The following SPTA1 variants were observed in gnomAD, a reference collection of about 807,000 sequenced individuals.
SPTA1 encodes spectrin alpha, erythrocytic 1, also known as spectrin alpha chain, erythrocytic 1.
Under a neutral mutation model 324.7 loss-of-function variants are expected in SPTA1, and 177 were observed. The observed-to-expected ratio is 0.55, with a 90% CI of 0.48 to 0.62. SPTA1 has a LOEUF of 0.62. Ranked by LOEUF, SPTA1 falls within the 20% of genes least tolerant of loss-of-function variation. SPTA1 has a pLI of 0.00. For synonymous variants in SPTA1, 1,195 were observed against 1,041.3 expected, an observed-to-expected ratio of 1.15 and a Z score of -2.84; for missense variants, 3,162 against 2,883.6, an observed-to-expected ratio of 1.10 and a Z score of -2.21.
intron 51 of SPTA1, chr1:158,612,334 G>T (rs905320930): frequency 2.0e-5 from 4 of 198,948 alleles, no homozygotes; most frequent in African/African-American, 9.5e-5. Context: ...AATGAAGAAA[G>T]CTCTTGGAAT....
intron 43 of SPTA1, 34 bp from the exon 44 acceptor site, chr1:158,620,500 C>A (rs1480379035): frequency 6.2e-7 from 1 of 1,611,346 alleles, no homozygotes. Context: ...TACCATCTTT[C>A]CTGATAAAGC....
At position 158,661,316 on chromosome 1, in the gene SPTA1, G is replaced by C. The variant is rs35121052; in HGVS notation, c.2558C>G (p.Thr853Arg). ...CTCTACCATTTTGTTTCCCCTTTCT[G>C]TTATCTCTTGAATGCGTGGTTCATG... is the stretch of plus-strand genomic sequence containing the variant. ...ASHEPRIQEI[T>R]ERGNKMVEEG... Residue 853 changes from threonine (T) to arginine (R), a missense_variant, in exon 18 of 52, where the codon ACA becomes AGA. Transcript: ENST00000643759. 0.017 allele frequency: 27,604 copies of C among 1,613,640 alleles called. 3,717 individuals are homozygous for C. In the African/African-American group the frequency reaches 0.31, roughly 18 times the overall value.
Position 158,642,494 on chromosome 1 carries a change from A to G in SPTA1, c.4654T>C (p.Ser1552Pro). ...TTGATGACGCCATGCACCTGCTCAG[A>G]TCGGCCATCGACTTCATGTGCAAAG... ...QTFAHEVDGR[S>P]EQVHGVINLG... is the part of the protein sequence containing the mutation. Residue 1552 changes from serine to proline, a missense_variant, in exon 33 of 52, where the codon TCT (serine) becomes CCT (proline). Physicochemically the swap from Ser to Pro is moderately conservative, Grantham distance 74. Coordinates refer to ENST00000643759, the MANE Select transcript of SPTA1 (RefSeq NM_003126.4). 1 of 1,613,696 alleles carries G rather than the reference A, an allele frequency of 6.2e-7. No individual in the cohort carries two copies. The highest frequency in any genetic ancestry group is 2.2e-5 in the East Asian group (1 of 44,870).
intron 42 of SPTA1, among the ~76,000 whole-genome samples, chr1:158,625,098 T>G (rs1650185515): frequency 1.3e-5 from 2 of 152,096 alleles, no homozygotes; most frequent in Non-Finnish European, 2.9e-5. Context: ...AATTATCAAA[T>G]TAGATAAAGT....
Position 158,615,365 on chromosome 1 carries a change from T to G in SPTA1, c.6639A>C (p.Leu2213=). Residue 2213 remains leucine (L), a synonymous_variant, in exon 48 of 52, where the codon CTA becomes CTC. Coordinates refer to ENST00000643759, the MANE Select transcript of SPTA1 (RefSeq NM_003126.4). ...TGTCCCCCAGGTCCACAATCTTGGT[T>G]AGTTGACGCTTCATCGCCTGGATCT... ...QKEIQAMKRQ[L]TKIVDLGDNL... 1.9e-6 allele frequency: 3 copies of G among 1,614,098 alleles called. No homozygotes were observed. Among genetic ancestry groups the G allele is most frequent in the Non-Finnish European group, 2.5e-6 (3 of 1,180,012 alleles).
chr1:158,633,522 G>T (rs1010479952), intron 39 of SPTA1, among the ~76,000 whole-genome samples: 3 of 151,748 alleles, frequency 2.0e-5, no homozygotes, highest in Admixed American at 1.3e-4. Flanking sequence ...TTAGCCTGGC[G>T]TGGTGGCAGC....
chr1:158,662,028 T>A (rs1358663475), intron 17 of SPTA1, among the ~76,000 whole-genome samples: 1 of 152,176 alleles, frequency 6.6e-6, no homozygotes, highest in African/African-American at 2.4e-5. Flanking sequence ...CTCTTTTCCC[T>A]CTAAACTTTC....
chr1:158,685,557 A>G (rs186258170), intron 1 of SPTA1, among the ~76,000 whole-genome samples: 1 of 152,280 alleles, frequency 6.6e-6, no homozygotes, highest in African/African-American at 2.4e-5. Context: ...GATTATCCAG[A>G]AGACTCTCCT....
Position 158,643,332 on chromosome 1 carries a change from C to T in SPTA1, c.4432G>A (p.Val1478Ile). ...TCACTCAGGCCTGACCTGTCTAGTA[C>T]ACGTTGGAGCCGCGTAGCAATCTCT... ...KEEIATRLQR[V>I]LDRWKALKAQ... The change falls in exon 31 of 52, where the codon GTA becomes ATA. Residue 1478 changes from valine (V) to isoleucine (I), a missense_variant. Coordinates refer to ENST00000643759, the MANE Select transcript of SPTA1 (RefSeq NM_003126.4). 7 of 1,613,880 alleles carry T rather than the reference C, an allele frequency of 4.3e-6. No individual in the cohort carries two copies. Among genetic ancestry groups the T allele is most frequent in the Non-Finnish European group, 5.9e-6 (7 of 1,179,898 alleles).
chr1:158,683,227 T>G, intron 3 of SPTA1, 144 bp downstream of exon 3: 2 of 1,146,768 alleles, frequency 1.7e-6, no homozygotes, highest in Non-Finnish European at 2.5e-6. Context: ...CCCATCATTT[T>G]TTATGCCTCA....
chr1:158,615,136 C>A, intron 48 of SPTA1, 80 bp downstream of exon 48: 1 of 1,545,442 alleles, frequency 6.5e-7, no homozygotes, highest in African/African-American at 1.4e-5. Flanking sequence ...TCTGGTGCAC[C>A]AAACTCTCGC....
At chr1:158,682,857 T>A (rs886824496) in intron 3 of SPTA1, among the ~76,000 whole-genome samples, 1 of 152,124 alleles carries the variant, frequency 6.6e-6, no homozygotes, top group Non-Finnish European at 1.5e-5. Context: ...TCTGACTACA[T>A]GACATTTGGG....
chr1:158,630,411 A>G (rs2101791203), intron 39 of SPTA1, among the ~76,000 whole-genome samples: 1 of 152,214 alleles, frequency 6.6e-6, no homozygotes, highest in East Asian at 1.9e-4. Context: ...AGCTTCTTTA[A>G]CAAATAGTGC....
intron 8 of SPTA1, among the ~76,000 whole-genome samples, chr1:158,675,899 C>T (rs1489982525): frequency 6.6e-6 from 1 of 152,116 alleles, no homozygotes; most frequent in Non-Finnish European, 1.5e-5. Flanking sequence ...CTGGAATTTT[C>T]CATTTAACAT....
At chr1:158,642,777 A>T in intron 32 of SPTA1, 37 bp downstream of exon 32, 1 of 1,613,690 alleles carries the variant, frequency 6.2e-7, no homozygotes, top group African/African-American at 1.3e-5. Flanking sequence ...CAAGCTCGGA[A>T]TGGTGAAATT....
intron 47 of SPTA1, among the ~76,000 whole-genome samples, chr1:158,615,668 A>G (rs1055683249): frequency 6.6e-6 from 1 of 151,212 alleles, no homozygotes; most frequent in Non-Finnish European, 1.5e-5. Flanking sequence ...ACACACATAC[A>G]TCTATATCTA....
Position 158,611,329 on chromosome 1 carries a change from G to A in SPTA1, c.7195C>T (p.Arg2399Trp), listed in dbSNP as rs768957511. 15 of 1,613,786 alleles carry A rather than the reference G, an allele frequency of 9.3e-6. No homozygotes were observed. The highest frequency in any genetic ancestry group is 2.2e-5 in the East Asian group (1 of 44,874). Reference sequence around the variant, plus strand: ...TAGCCAGAGAGATGGCTTCGACCCCGTGGGTCCATATATTGCTGCATATGT... The same window carrying A: ...TAGCCAGAGAGATGGCTTCGACCCCATGGGTCCATATATTGCTGCATATGT... ...ATHMQQYMDP[R>W]GRSHLSGYDY... The change falls in exon 52 of 52, where the codon CGG (arginine) becomes TGG (tryptophan). Residue 2399 changes from arginine to tryptophan, a missense_variant. By Grantham distance (101) the Arg-to-Trp change is moderately radical. Coordinates refer to ENST00000643759, the MANE Select transcript of SPTA1 (RefSeq NM_003126.4).
chr1:158,646,277 A>G (rs2101841160), intron 27 of SPTA1, among the ~76,000 whole-genome samples: 1 of 152,318 alleles, frequency 6.6e-6, no homozygotes, highest in South Asian at 2.1e-4. Context: ...TGTATAAATT[A>G]AGCATCTCAT....
chr1:158,655,392 G>C (rs1351383737), intron 20 of SPTA1, among the ~76,000 whole-genome samples: 1 of 151,614 alleles, frequency 6.6e-6, no homozygotes, highest in African/African-American at 2.4e-5. Context: ...ATGTCTCTGA[G>C]AAATCAAGCA....
Sources: gnomAD v4.1 joint callset for allele counts (sites outside exome capture counted in the v4.1 genomes callset) on GRCh38, gnomAD v4.1.1 for gene constraint, MANE v1.5 for transcripts, NCBI Gene and HGNC (gene_info 2026-07-23, HGNC 2026-07-21) for gene names.